Variants in KLHL1 observed in about 807,000 individuals in gnomAD.
KLHL1 encodes kelch-like protein 1.
In KLHL1, 47 loss-of-function variants were observed where a neutral mutation model predicts 77.7. The ratio of observed to expected loss-of-function variants is 0.60; its 90% confidence interval spans 0.48 to 0.77. The LOEUF (loss-of-function observed/expected upper bound fraction) is 0.77, where lower values mean the gene tolerates loss of function less well. Ranked by LOEUF, KLHL1 falls within the 30% of genes least tolerant of loss-of-function variation. KLHL1 has a pLI of 0.00. For missense variants in KLHL1, 925 were observed against 910.8 expected (o/e 1.02, Z -0.20); for synonymous variants, 360 against 325.2 (o/e 1.11, Z -1.15).
At chr13:69,891,346 T>G (rs1480122634) in intron 4 of KLHL1, among the ~76,000 whole-genome samples, 1 of 152,082 alleles carries the variant, frequency 6.6e-6, no homozygotes, top group Non-Finnish European at 1.5e-5. Context: ...TTTATAATTA[T>G]CTCAAAACTG....
At chr13:69,920,013 GT>G (rs1332807784) in intron 4 of KLHL1, among the ~76,000 whole-genome samples, 1 of 152,020 alleles carries the variant, frequency 6.6e-6, no homozygotes, top group Non-Finnish European at 1.5e-5. Flanking sequence ...GAACATATAT[GT>G]AAAATTATTA....
intron 6 of KLHL1, among the ~76,000 whole-genome samples, chr13:69,805,505 A>C (rs1877579050): frequency 6.6e-6 from 1 of 151,902 alleles, no homozygotes; most frequent in Non-Finnish European, 1.5e-5. Flanking sequence ...CTTAGAAAAA[A>C]TAAAACACTT....
intron 7 of KLHL1, among the ~76,000 whole-genome samples, chr13:69,780,716 G>GTATATATATATATA (rs1290786295): frequency 2.1e-5 from 1 of 47,696 alleles, no homozygotes; most frequent in African/African-American, 9.5e-5. Context: ...ATATATATAT[G>GTATATATATATATA]TATATATATA....
chr13:69,750,717 A>C (rs2137947442), intron 7 of KLHL1, among the ~76,000 whole-genome samples: 1 of 152,138 alleles, frequency 6.6e-6, no homozygotes, highest in South Asian at 2.1e-4. Context: ...TTGTATAAAC[A>C]GTTTTCACAT....
chr13:69,727,158 G>A (rs749511159), intron 8 of KLHL1, among the ~76,000 whole-genome samples: 13 of 151,916 alleles, frequency 8.6e-5, no homozygotes, highest in Non-Finnish European at 1.5e-5. Context: ...TGCTTTGGAT[G>A]GTAGAAAATA....
At chr13:69,950,508 A>G (rs1024998042) in intron 3 of KLHL1, among the ~76,000 whole-genome samples, 7 of 151,518 alleles carry the variant, frequency 4.6e-5, no homozygotes, top group Non-Finnish European at 7.4e-5. Context: ...ACTAATTTCC[A>G]TGGAGTTTAA....
At position 69,740,398 on chromosome 13, in the gene KLHL1, C is replaced by T. The variant is rs746861654; in HGVS notation, c.1798G>A (p.Gly600Ser). ...ATAAGAAAAAAATTTACTTACTTGC[C>T]ATTCAATGCTGCTACACCAACTGTG... is the stretch of plus-strand genomic sequence containing the variant. ...RSTVGVAALN[G>S]KLYSVGGRDG... The change falls in exon 8 of 11, where the codon GGC becomes AGC. Residue 600 changes from glycine to serine, a missense_variant. Coordinates refer to ENST00000377844, the MANE Select transcript of KLHL1 (RefSeq NM_020866.3). The T allele has an allele frequency of 6.5e-7, 1 of 1,541,054 alleles. No individual in the cohort carries two copies. Among genetic ancestry groups the T allele is most frequent in the Admixed American group, 1.9e-5 (1 of 53,224 alleles).
At chr13:69,912,468 C>T (rs1882269896) in intron 4 of KLHL1, among the ~76,000 whole-genome samples, 1 of 152,156 alleles carries the variant, frequency 6.6e-6, no homozygotes, top group Non-Finnish European at 1.5e-5. Flanking sequence ...AGCCATTATT[C>T]AATCATAATT....
chr13:69,966,213 C>T (rs1006378800), intron 2 of KLHL1, among the ~76,000 whole-genome samples: 3 of 152,140 alleles, frequency 2.0e-5, no homozygotes, highest in African/African-American at 7.2e-5. Flanking sequence ...AAGTCAATGA[C>T]TGGCTTCTAA....
intron 6 of KLHL1, among the ~76,000 whole-genome samples, chr13:69,822,197 C>CAAA (rs35346749): frequency 1.3e-5 from 1 of 78,388 alleles, no homozygotes; most frequent in African/African-American, 4.6e-5. Context: ...GACTCCATCT[C>CAAA]AAAAAAAAAA....
intron 1 of KLHL1, among the ~76,000 whole-genome samples, chr13:70,092,155 T>G (rs1178830958): frequency 2.0e-5 from 3 of 152,186 alleles, no homozygotes; most frequent in Non-Finnish European, 4.4e-5. Flanking sequence ...CCTATGCAAT[T>G]GAGCAGAGGA....
chr13:69,997,305 T>C (rs1217978432), intron 1 of KLHL1, among the ~76,000 whole-genome samples: 1 of 151,906 alleles, frequency 6.6e-6, no homozygotes. Context: ...AGTTAATATT[T>C]TGGTAAGAAT....
chr13:69,750,473 A>C (rs1329522514), intron 7 of KLHL1, among the ~76,000 whole-genome samples: 1 of 151,822 alleles, frequency 6.6e-6, no homozygotes, highest in African/African-American at 2.4e-5. Context: ...ATAAATTATA[A>C]AAATTTTCCA....
chr13:69,946,082 A>G (rs899012594), intron 3 of KLHL1, among the ~76,000 whole-genome samples: 2 of 152,188 alleles, frequency 1.3e-5, no homozygotes, highest in African/African-American at 2.4e-5. Context: ...ACCAGACAGA[A>G]AATAAACACA....
intron 1 of KLHL1, among the ~76,000 whole-genome samples, chr13:70,042,914 G>GTA (rs2137381583): frequency 6.6e-6 from 1 of 152,194 alleles, no homozygotes; most frequent in South Asian, 2.1e-4. Context: ...TTGCCCTTGT[G>GTA]TATATATATG....
intron 7 of KLHL1, among the ~76,000 whole-genome samples, chr13:69,756,476 T>TGAAC (rs1285579392): frequency 6.6e-6 from 1 of 152,190 alleles, no homozygotes; most frequent in East Asian, 1.9e-4. Flanking sequence ...TTTTTTGTTA[T>TGAAC]GAACCAGACT....
chr13:69,753,068 A>G (rs1288820258), intron 7 of KLHL1, among the ~76,000 whole-genome samples: 1 of 152,028 alleles, frequency 6.6e-6, no homozygotes, highest in Non-Finnish European at 1.5e-5. Flanking sequence ...GCAGTCTGAG[A>G]TTCTTCCTGC....
At chr13:70,087,632 A>C (rs1887577459) in intron 1 of KLHL1, among the ~76,000 whole-genome samples, 1 of 151,686 alleles carries the variant, frequency 6.6e-6, no homozygotes, top group Admixed American at 6.6e-5. Context: ...CAGCAAACAC[A>C]AAGTCCACTG....
intron 4 of KLHL1, among the ~76,000 whole-genome samples, chr13:69,891,860 A>C (rs1881433604): frequency 6.6e-6 from 1 of 152,004 alleles, no homozygotes; most frequent in Non-Finnish European, 1.5e-5. Context: ...TTGTCTACTA[A>C]TGTAGGAGAA....
Sources: allele counts gnomAD v4.1 joint callset (sites outside exome capture counted in the v4.1 genomes callset), GRCh38; gene constraint gnomAD v4.1.1; transcripts MANE v1.5; gene names NCBI Gene and HGNC (gene_info 2026-07-23, HGNC 2026-07-21).